The following RAB11A variants were observed in gnomAD, a reference collection of about 807,000 sequenced individuals.
RAB11A encodes the protein ras-related protein Rab-11A.
In RAB11A, 9 loss-of-function variants were observed where a neutral mutation model predicts 28.0. That is an observed-to-expected ratio of 0.32 (90% CI 0.19 to 0.56). The LOEUF (loss-of-function observed/expected upper bound fraction) is 0.56. Ranked by LOEUF, RAB11A falls within the 20% of genes least tolerant of loss-of-function variation. RAB11A has a pLI of 0.91. For missense variants in RAB11A, 108 were observed against 269.6 expected, an observed-to-expected ratio of 0.40 and a Z score of 4.20; for synonymous variants, 85 against 88.2, an observed-to-expected ratio of 0.96 and a Z score of 0.20.
At chr15:65,880,062 T>C (rs1230039344) in intron 4 of RAB11A, among the ~76,000 whole-genome samples, 1 of 152,206 alleles carries the variant, frequency 6.6e-6, no homozygotes, top group East Asian at 1.9e-4. Flanking sequence ...TTTTATGAGG[T>C]AAATATTGAG....
Position 65,887,622 on chromosome 15 carries a change from C to G in RAB11A, c.512-79C>G, listed in dbSNP as rs780892323. 1.6e-5 allele frequency: 22 copies of G among 1,365,898 alleles called. 1 individual carries two copies. The South Asian group carries it at 2.0e-4, about 12-fold the overall frequency. 84.6% of individuals were successfully genotyped at this position (1,365,898 alleles called of 1,614,324 possible). On this transcript the variant is annotated intron_variant, in intron 4 of 4. Coordinates refer to ENST00000261890, the MANE Select transcript of RAB11A (RefSeq NM_004663.5). ...CTTAGGGACTTTGATGCAAATATAT[C>G]TCCTACCTTTATGTATCTTTTATCC...
intron 1 of RAB11A, among the ~76,000 whole-genome samples, chr15:65,876,290 T>A (rs897657028): frequency 6.6e-6 from 1 of 152,116 alleles, no homozygotes; most frequent in Non-Finnish European, 1.5e-5. Flanking sequence ...CTTGCTTTGT[T>A]GTATTTTATT....
At position 65,887,894 on chromosome 15, in the gene RAB11A, G is replaced by T. The variant is rs989580629; in HGVS notation, c.*54G>T. The stretch of plus-strand genomic sequence containing the variant: ...TGTATAGTCCATTTCCCAGGTCTGA[G>T]ATTTAAATATATTTGTAATTCTTGT... On this transcript the variant is annotated 3_prime_UTR_variant, in exon 5 of 5. Coordinates refer to ENST00000261890, the MANE Select transcript of RAB11A (RefSeq NM_004663.5). 7.1e-7 allele frequency: 1 copy of T among 1,413,816 alleles called. No individual in the cohort carries two copies. Among genetic ancestry groups the T allele is most frequent in the South Asian group, 1.6e-5 (1 of 62,322 alleles). The allele number at this position is 1,413,816 out of a possible 1,614,324, so 87.6% of individuals were successfully genotyped here.
At chr15:65,886,008 A>C (rs1297931498) in intron 4 of RAB11A, among the ~76,000 whole-genome samples, 1 of 152,222 alleles carries the variant, frequency 6.6e-6, no homozygotes, top group Non-Finnish European at 1.5e-5. Flanking sequence ...GTGTGGTTAC[A>C]TTCTTGATCT....
Position 65,891,494 on chromosome 15 carries a change from T to C in RAB11A, c.*3654T>C, listed in dbSNP as rs2078296016. ...CTGAGTAACGAAGAGATTCTAGTCA[T>C]GGCTCTTGTGGTCATTTCATTTTTG... On this transcript the variant is annotated 3_prime_UTR_variant, in exon 5 of 5. Transcript: ENST00000261890. 1 of 152,214 alleles carries C rather than the reference T, an allele frequency of 6.6e-6. No individual in the cohort carries two copies. The highest frequency in any genetic ancestry group is 6.5e-5 in the Admixed American group (1 of 15,282). The allele number at this position is 152,214 out of a possible 1,614,324, so 9.4% of individuals were successfully genotyped here.
In RAB11A at chr15:65,873,719, A is replaced by T. The variant is rs201015028; in HGVS notation, c.41-3613A>T. On this transcript the variant is annotated intron_variant, in intron 1 of 4. Transcript: ENST00000261890. ...CAAATGTGCTCCACCATGCCTGGCT[A>T]TTTTTTTTTTTTTAAGACTATCCCA... Among the ~76,000 whole-genome samples, 323 of 142,646 alleles carry T rather than the reference A, an allele frequency of 2.3e-3. 8 individuals are homozygous for T. The East Asian group carries it at 0.027, about 12-fold the overall frequency. The allele number at this position is 142,646 out of a possible 152,430, so 93.6% of individuals were successfully genotyped here. A position where few individuals can be genotyped will look rare whatever the true frequency, so the allele number is the denominator to read the frequency against.
At chr15:65,872,772 C>T (rs1047767394) in intron 1 of RAB11A, among the ~76,000 whole-genome samples, 1 of 152,140 alleles carries the variant, frequency 6.6e-6, no homozygotes, top group Non-Finnish European at 1.5e-5. Context: ...GGATATGAGT[C>T]ACTTTTTCTT....
At chr15:65,886,458 T>C (rs937572832) in intron 4 of RAB11A, among the ~76,000 whole-genome samples, 2 of 152,256 alleles carry the variant, frequency 1.3e-5, no homozygotes, top group African/African-American at 4.8e-5. Flanking sequence ...TTTATAGGAA[T>C]ACATTGTGTC....
At chr15:65,875,115 G>A (rs542086424) in intron 1 of RAB11A, among the ~76,000 whole-genome samples, 18 of 151,502 alleles carry the variant, frequency 1.2e-4, no homozygotes, top group Admixed American at 4.6e-4. Flanking sequence ...CTACTCCCCC[G>A]GCTAGAGTAC....
At chr15:65,878,591 AT>A (rs1431669479) in intron 3 of RAB11A, among the ~76,000 whole-genome samples, 1 of 152,212 alleles carries the variant, frequency 6.6e-6, no homozygotes, top group Non-Finnish European at 1.5e-5. Flanking sequence ...AGGCAGGAGA[AT>A]GGCGTGAACC....
At chr15:65,870,475 C>T (rs1204031805) in intron 1 of RAB11A, among the ~76,000 whole-genome samples, 1 of 152,212 alleles carries the variant, frequency 6.6e-6, no homozygotes, top group Non-Finnish European at 1.5e-5. Context: ...TCTTGCCCTC[C>T]CTACTCAGTG....
chr15:65,877,886 C>T lies in RAB11A; in HGVS notation c.361C>T (p.Leu121Phe). ...TGCTGATAGTAACATTGTTATCATG[C>T]TTGTGGGCAATAAGAGTGATCTACG... is the stretch of plus-strand genomic sequence containing the variant. ...DHADSNIVIM[L>F]VGNKSDLRHL... The change falls in exon 3 of 5, where the codon CTT (leucine) becomes TTT (phenylalanine). Residue 121 changes from leucine (L) to phenylalanine (F), a missense_variant. By Grantham distance (22) the Leu-to-Phe change is conservative (BLOSUM62 0). Transcript: ENST00000261890. The surrounding 1 kb of genome is among the most constrained non-coding windows in gnomAD (Gnocchi z 4.1). 1 of 1,613,776 alleles carries T rather than the reference C, an allele frequency of 6.2e-7. No homozygotes were observed. The highest frequency in any genetic ancestry group is 8.5e-7 in the Non-Finnish European group (1 of 1,179,714).
chr15:65,884,036 G>A (rs185600455), intron 4 of RAB11A, among the ~76,000 whole-genome samples: 39 of 152,212 alleles, frequency 2.6e-4, no homozygotes, highest in Admixed American at 2.5e-3. Flanking sequence ...TTCTTTTGTG[G>A]GGGAAGGGGA....
At chr15:65,875,265 A>AT (rs1213880020) in intron 1 of RAB11A, among the ~76,000 whole-genome samples, 12 of 151,130 alleles carry the variant, frequency 7.9e-5, no homozygotes, top group Admixed American at 7.2e-4. Flanking sequence ...TTATTCATGT[A>AT]TTTTTTGTGT....
In RAB11A at chr15:65,888,003, C is replaced by G; in HGVS notation, c.*163C>G. 1 of 719,288 alleles carries G rather than the reference C, an allele frequency of 1.4e-6. No homozygotes were observed. The allele number at this position is 719,288 out of a possible 1,614,324, so 44.6% of individuals were successfully genotyped here. A position where few individuals can be genotyped will look rare whatever the true frequency, so the allele number is the denominator to read the frequency against. ...GATTTTAGCTTTATAAAATCATCCA[C>G]TTGTCCCGAATGACTGCAGCTTTTT... On this transcript the variant is annotated 3_prime_UTR_variant, in exon 5 of 5. Coordinates refer to ENST00000261890, the MANE Select transcript of RAB11A (RefSeq NM_004663.5).
rs111343191 is a variant in RAB11A, at chr15:65,879,607, C to T, written c.431-64C>T. On this transcript the variant is annotated intron_variant, in intron 3 of 4. Transcript: ENST00000261890. ...GTTCTGTTATTTTTCCTTTTGAGGGCTTGAGTATATCCTATTCCTTGTTTT... is the reference window on the plus strand; with the variant it reads ...GTTCTGTTATTTTTCCTTTTGAGGGTTTGAGTATATCCTATTCCTTGTTTT... The T allele has an allele frequency of 1.7e-5, 21 of 1,259,476 alleles. 1 individual carries two copies. In the African/African-American group the frequency reaches 2.2e-4, roughly 13 times the overall value. The allele number at this position is 1,259,476 out of a possible 1,614,324, so 78.0% of individuals were successfully genotyped here.
intron 4 of RAB11A, among the ~76,000 whole-genome samples, chr15:65,881,112 C>A (rs2078219834): frequency 2.0e-5 from 3 of 152,162 alleles, no homozygotes; most frequent in South Asian, 4.1e-4. Flanking sequence ...TATTATAATT[C>A]TTTTCTGTTA....
intron 3 of RAB11A, among the ~76,000 whole-genome samples, chr15:65,878,266 G>A (rs2078201074): frequency 6.6e-6 from 1 of 152,210 alleles, no homozygotes; most frequent in African/African-American, 2.4e-5. Flanking sequence ...GAGTGTCAGG[G>A]ACCAACAGGG....
At chr15:65,880,259 C>T (rs1596787790) in intron 4 of RAB11A, among the ~76,000 whole-genome samples, 1 of 152,128 alleles carries the variant, frequency 6.6e-6, no homozygotes, top group East Asian at 1.9e-4. Flanking sequence ...CCAATGATTG[C>T]ATATAGAAAA....
Sources: gnomAD v4.1 joint callset for allele counts (sites outside exome capture counted in the v4.1 genomes callset) on GRCh38, gnomAD v4.1.1 for gene constraint, Gnocchi (gnomAD v3.1) non-coding constraint, MANE v1.5 for transcripts, NCBI Gene and HGNC (gene_info 2026-07-23, HGNC 2026-07-21) for gene names.